Variants in TTLL5 observed in about 807,000 individuals in gnomAD.
The protein encoded by TTLL5 is tubulin tyrosine ligase like 5.
TTLL5 carries 132 observed loss-of-function variants against 168.4 expected under a neutral mutation model. The observed-to-expected ratio is 0.78, with a 90% CI of 0.68 to 0.91. The LOEUF is 0.91. Among genes scored for constraint, TTLL5 ranks in the 40% least tolerant of loss-of-function variants. The probability of loss-of-function intolerance (pLI) is 0.00; values close to 1 mark genes in which losing one functional copy is unlikely to be tolerated. For synonymous variants in TTLL5, 546 were observed against 558.6 expected, an observed-to-expected ratio of 0.98 and a Z score of 0.32; for missense variants, 1,545 against 1,581.5, an observed-to-expected ratio of 0.98 and a Z score of 0.39.
rs1892905818 is a variant in TTLL5 at position 75,794,686 on chromosome 14, GC to G, written c.3171+1588del. Among the ~76,000 whole-genome samples the G allele has an allele frequency of 3.9e-5, 6 of 152,288 alleles. No homozygotes were observed. The South Asian group carries it at 1.0e-3, about 26-fold the overall frequency. On this transcript the variant is annotated intron_variant, in intron 27 of 31. Transcript: ENST00000298832. ...CTATGGTTTGTAGGGATCTGAACTT[GC>G]CATTAGATGTCAGTGTTAACTTTTA...
intron 4 of TTLL5, among the ~76,000 whole-genome samples, chr14:75,681,888 A>G (rs998224365): frequency 6.6e-6 from 1 of 152,086 alleles, no homozygotes; most frequent in Non-Finnish European, 1.5e-5. Flanking sequence ...CGTTGCCCAT[A>G]AGGAATTGTC....
intron 6 of TTLL5, among the ~76,000 whole-genome samples, chr14:75,690,905 C>T (rs911329050): frequency 2.0e-5 from 3 of 152,166 alleles, no homozygotes; most frequent in Admixed American, 2.0e-4. Flanking sequence ...CAGGCATGAT[C>T]CACCACACCC....
chr14:75,754,244 A>T (rs1198892041), intron 18 of TTLL5, among the ~76,000 whole-genome samples: 1 of 152,130 alleles, frequency 6.6e-6, no homozygotes, highest in Non-Finnish European at 1.5e-5. Flanking sequence ...TATTTCATGG[A>T]TGTAATGTCT....
Position 75,663,142 on chromosome 14 carries a change from TAAAGG to T in TTLL5, c.-4_1del. The T allele has an allele frequency of 6.2e-7, 1 of 1,613,408 alleles. No individual in the cohort carries two copies. Among genetic ancestry groups the T allele is most frequent in the South Asian group, 1.1e-5 (1 of 90,728 alleles). ...CGTCTGCTGACTGCATGACAAACCC[TAAAGG>T]AAATGCCAATCGTGATGGCCCGGGA... On this transcript the variant is annotated 5_prime_UTR_variant, in exon 2 of 32. Transcript: ENST00000298832.
intron 28 of TTLL5, among the ~76,000 whole-genome samples, chr14:75,862,183 C>A (rs1488942739): frequency 6.6e-6 from 1 of 152,208 alleles, no homozygotes; most frequent in Non-Finnish European, 1.5e-5. Flanking sequence ...CAGCATATGT[C>A]AGAATTTCCT....
intron 12 of TTLL5, among the ~76,000 whole-genome samples, chr14:75,723,271 T>A (rs1354153538): frequency 6.6e-6 from 1 of 152,174 alleles, no homozygotes; most frequent in East Asian, 1.9e-4. Flanking sequence ...CAGCGTCTTT[T>A]GCTCTTAGAG....
intron 25 of TTLL5, among the ~76,000 whole-genome samples, 156 bp from the exon 26 acceptor site, chr14:75,782,991 A>C (rs1448778127): frequency 6.6e-6 from 1 of 152,196 alleles, no homozygotes; most frequent in African/African-American, 2.4e-5. Context: ...AAAATCATTA[A>C]GTTTATGATG....
At chr14:75,757,607 G>A (rs996975468) in intron 18 of TTLL5, among the ~76,000 whole-genome samples, 15 of 152,140 alleles carry the variant, frequency 9.9e-5, no homozygotes, top group Non-Finnish European at 1.6e-4. Context: ...TCTATAATTT[G>A]TCCTTTTTTG....
chr14:75,733,431 G>C (rs868703257), intron 13 of TTLL5, among the ~76,000 whole-genome samples: 2 of 151,956 alleles, frequency 1.3e-5, no homozygotes, highest in South Asian at 2.1e-4. Context: ...CCGCCCATCT[G>C]GTGAGATTTT....
At chr14:75,791,410 A>G (rs1360211102) in intron 26 of TTLL5, among the ~76,000 whole-genome samples, 1 of 152,220 alleles carries the variant, frequency 6.6e-6, no homozygotes, top group Non-Finnish European at 1.5e-5. Flanking sequence ...TAATCTTGGA[A>G]GAGTAGAGTT....
chr14:75,671,948 A>G (rs1883785475), intron 3 of TTLL5, among the ~76,000 whole-genome samples: 1 of 152,102 alleles, frequency 6.6e-6, no homozygotes, highest in Non-Finnish European at 1.5e-5. Flanking sequence ...CTTGTTTTTG[A>G]TCATAGGAAG....
chr14:75,672,891 CT>C (rs1883854501), intron 3 of TTLL5, among the ~76,000 whole-genome samples: 2 of 152,048 alleles, frequency 1.3e-5, no homozygotes, highest in Admixed American at 1.3e-4. Flanking sequence ...AGTCTTTTCT[CT>C]TTTTTCCTTA....
intron 31 of TTLL5, among the ~76,000 whole-genome samples, chr14:75,952,759 C>T (rs1053329678): frequency 5.3e-5 from 8 of 152,062 alleles, no homozygotes; most frequent in Non-Finnish European, 8.8e-5. Context: ...AAGCCAGTCC[C>T]GAAGGATCAT....
chr14:75,732,267 A>C, intron 12 of TTLL5, 71 bp from the exon 13 acceptor site: 1 of 1,364,912 alleles, frequency 7.3e-7, no homozygotes, highest in Non-Finnish European at 1.0e-6. Flanking sequence ...AATGAGATTG[A>C]GTCTTCTAGA....
chr14:75,901,448 T>C (rs1365844188), intron 30 of TTLL5, among the ~76,000 whole-genome samples: 1 of 152,238 alleles, frequency 6.6e-6, no homozygotes, highest in Non-Finnish European at 1.5e-5. Context: ...GAATCAGATA[T>C]ACTCTGTCAT....
At chr14:75,953,498 G>A (rs1488321748) in intron 31 of TTLL5, among the ~76,000 whole-genome samples, 2 of 152,160 alleles carry the variant, frequency 1.3e-5, no homozygotes, top group South Asian at 2.1e-4. Context: ...TTATATAGGG[G>A]CATAAAGATC....
chr14:75,827,699 G>A (rs1195870570), intron 28 of TTLL5, among the ~76,000 whole-genome samples: 2 of 123,368 alleles, frequency 1.6e-5, no homozygotes, highest in Non-Finnish European at 3.4e-5. Flanking sequence ...ACCACATTTG[G>A]CTTGGTTCTT....
intron 30 of TTLL5, among the ~76,000 whole-genome samples, chr14:75,890,874 C>T (rs1014478134): frequency 6.6e-6 from 1 of 152,154 alleles, no homozygotes; most frequent in Non-Finnish European, 1.5e-5. Flanking sequence ...CATGCACCAC[C>T]AAGCCCAGCT....
At chr14:75,775,920 A>C (rs1891700878) in intron 22 of TTLL5, among the ~76,000 whole-genome samples, 1 of 152,192 alleles carries the variant, frequency 6.6e-6, no homozygotes, top group African/African-American at 2.4e-5. Context: ...GTGAGTCTGC[A>C]CGGTTGTTAG....
Sources: gnomAD v4.1 joint callset for allele counts (sites outside exome capture counted in the v4.1 genomes callset) on GRCh38, gnomAD v4.1.1 for gene constraint, MANE v1.5 for transcripts, NCBI Gene and HGNC (gene_info 2026-07-23, HGNC 2026-07-21) for gene names.